The following POLA1 variants were observed in gnomAD, a reference collection of about 807,000 sequenced individuals.
The protein encoded by POLA1 is DNA polymerase alpha 1, catalytic subunit, also known as DNA polymerase alpha catalytic subunit.
POLA1 carries 15 observed loss-of-function variants against 124.0 expected under a neutral mutation model. That is an observed-to-expected ratio of 0.12 (90% CI 0.08 to 0.19). The LOEUF (loss-of-function observed/expected upper bound fraction) is 0.19, where lower values mean the gene tolerates loss of function less well. Among genes scored for constraint, POLA1 ranks in the 10% least tolerant of loss-of-function variants. POLA1 has a pLI of 1.00. For synonymous variants in POLA1, 408 were observed against 389.4 expected, an observed-to-expected ratio of 1.05 and a Z score of -0.56; for missense variants, 886 against 1,103.4, an observed-to-expected ratio of 0.80 and a Z score of 2.79.
chrX:24,714,015 A>G (rs1349219083), intron 4 of POLA1, among the ~76,000 whole-genome samples: 1 of 112,462 alleles, frequency 8.9e-6, no homozygotes, highest in East Asian at 2.8e-4. Context: ...TCACATTAAC[A>G]ATAGCAGTTA....
chrX:24,921,754 G>T (rs2047618223), intron 35 of POLA1, among the ~76,000 whole-genome samples: 1 of 111,586 alleles, frequency 9.0e-6, no homozygotes, highest in South Asian at 3.8e-4. Flanking sequence ...TTTTCATCCT[G>T]ATGTTACTCC....
At chrX:24,707,570 T>G (rs1270957480) in intron 4 of POLA1, among the ~76,000 whole-genome samples, 2 of 112,319 alleles carry the variant, frequency 1.8e-5, no homozygotes, top group Non-Finnish European at 3.8e-5. Context: ...CCCAGTAAGG[T>G]CACAAGATCC....
intron 36 of POLA1, among the ~76,000 whole-genome samples, chrX:24,947,355 C>T (rs1475821900): frequency 2.0e-5 from 2 of 98,684 alleles, no homozygotes; most frequent in Non-Finnish European, 4.0e-5. Flanking sequence ...GCAGCCTTGA[C>T]TCCCCAGGTT....
intron 32 of POLA1, among the ~76,000 whole-genome samples, chrX:24,836,535 T>C (rs1403089323): frequency 8.9e-6 from 1 of 112,241 alleles, no homozygotes; most frequent in South Asian, 3.7e-4. Context: ...GTTTTCCATC[T>C]TCATTTTACA....
At chrX:24,861,418 C>T (rs1429334968) in intron 34 of POLA1, among the ~76,000 whole-genome samples, 1 of 112,948 alleles carries the variant, frequency 8.9e-6, no homozygotes, top group Admixed American at 9.3e-5. Context: ...AGGTGTGAGC[C>T]ACCACACCCA....
chrX:24,719,007 C>G (rs941099997), intron 10 of POLA1, among the ~76,000 whole-genome samples: 27 of 111,919 alleles, frequency 2.4e-4, no homozygotes, highest in Non-Finnish European at 4.3e-4. Flanking sequence ...CCTCTTTGAG[C>G]CCGTCTTCAT....
intron 34 of POLA1, among the ~76,000 whole-genome samples, chrX:24,852,236 A>C (rs1286083144): frequency 9.0e-6 from 1 of 111,642 alleles, no homozygotes; most frequent in South Asian, 3.8e-4. Flanking sequence ...TGAGAATTAG[A>C]GCACTGGTGT....
At chrX:24,917,236 A>T (rs1213291885) in intron 35 of POLA1, among the ~76,000 whole-genome samples, 1 of 108,716 alleles carries the variant, frequency 9.2e-6, no homozygotes, top group Non-Finnish European at 1.9e-5. Context: ...CAGTGAGCCG[A>T]GATTGCACCA....
At chrX:24,970,763 T>A (rs1248614878) in intron 36 of POLA1, among the ~76,000 whole-genome samples, 1 of 112,437 alleles carries the variant, frequency 8.9e-6, no homozygotes, top group African/African-American at 3.2e-5. Flanking sequence ...GTGTTTTTTT[T>A]AAGTCCATTT....
intron 34 of POLA1, among the ~76,000 whole-genome samples, chrX:24,864,083 G>C (rs1194847514): frequency 9.1e-6 from 1 of 110,171 alleles, no homozygotes; most frequent in East Asian, 2.8e-4. Flanking sequence ...CCGGGTTCAA[G>C]TGATTCTCCT....
intron 32 of POLA1, among the ~76,000 whole-genome samples, chrX:24,830,304 C>G (rs761083537): frequency 8.9e-6 from 1 of 111,807 alleles, no homozygotes; most frequent in East Asian, 2.8e-4. Flanking sequence ...CATCAAGATA[C>G]CTCCTGAAGT....
chrX:24,722,503 T>A (rs1930261927), intron 10 of POLA1, among the ~76,000 whole-genome samples: 1 of 112,385 alleles, frequency 8.9e-6, no homozygotes, highest in Non-Finnish European at 1.9e-5. Context: ...AGGTATTTAT[T>A]ATTATATGGA....
At chrX:24,771,146 A>G (rs1195117989) in intron 26 of POLA1, among the ~76,000 whole-genome samples, 1 of 111,317 alleles carries the variant, frequency 9.0e-6, no homozygotes, top group Non-Finnish European at 1.9e-5. Flanking sequence ...AGAATAATAC[A>G]ATTATGAAAT....
intron 35 of POLA1, among the ~76,000 whole-genome samples, chrX:24,905,719 C>T (rs1358893881): frequency 1.2e-4 from 13 of 110,393 alleles, no homozygotes; most frequent in Non-Finnish European, 1.9e-4. Context: ...CTCACCACCA[C>T]GCCCGGCTAA....
intron 26 of POLA1, among the ~76,000 whole-genome samples, chrX:24,792,104 GGAGA>G (rs1262916361): frequency 8.9e-6 from 1 of 112,206 alleles, no homozygotes; most frequent in Non-Finnish European, 1.9e-5. Flanking sequence ...TTAGAAATCA[GGAGA>G]AAGACTTTTT....
intron 26 of POLA1, among the ~76,000 whole-genome samples, chrX:24,777,317 A>G (rs11573396): frequency 0.16 from 17,777 of 111,960 alleles, 3,109 homozygotes; most frequent in African/African-American, 0.52. Context: ...TACACTAAAG[A>G]CATTCTGAGC....
chrX:24,716,394 A>G lies in POLA1; in HGVS notation c.558A>G (p.Ile186Met). 1 of 1,186,442 alleles carries G rather than the reference A, an allele frequency of 8.4e-7. No individual in the cohort carries two copies. Among genetic ancestry groups the G allele is most frequent in the East Asian group, 3.0e-5 (1 of 33,755 alleles). Residue 186 changes from isoleucine (I) to methionine (M), a missense_variant, in exon 7 of 37, where the codon ATA (isoleucine) becomes ATG (methionine). This residue lies in a region of POLA1 where 337 missense variants were observed against 402.8 expected (regional missense o/e 0.84). Coordinates refer to ENST00000379068, the MANE Select transcript of POLA1 (RefSeq NM_001330360.2). The stretch of plus-strand genomic sequence containing the variant: ...AAATAACTCCACCACCTGTAATGAT[A>G]CTGAAGAAGAAAAGATCCATTGGAG... Reference protein sequence around the residue: ...TPQITPPPVMILKKKRSIGAS... With the variant: ...TPQITPPPVMMLKKKRSIGAS...
chrX:24,907,643 A>C (rs2047387323), intron 35 of POLA1, among the ~76,000 whole-genome samples: 1 of 112,022 alleles, frequency 8.9e-6, no homozygotes, highest in Non-Finnish European at 1.9e-5. Flanking sequence ...AATACTCTTC[A>C]GGAGTAAAAG....
At chrX:24,884,720 A>G (rs1053963511) in intron 34 of POLA1, among the ~76,000 whole-genome samples, 34 of 112,112 alleles carry the variant, frequency 3.0e-4, no homozygotes, top group African/African-American at 1.1e-3. Flanking sequence ...TTCCCTTCAC[A>G]CAGTTATCAG....
Sources: allele counts gnomAD v4.1 joint callset (sites outside exome capture counted in the v4.1 genomes callset), GRCh38; gene constraint gnomAD v4.1.1; regional missense constraint gnomAD v4.1.1; transcripts MANE v1.5; gene names NCBI Gene and HGNC (gene_info 2026-07-23, HGNC 2026-07-21).